TENM2: variants seen among roughly 807,000 people sequenced by gnomAD.
TENM2 encodes the protein teneurin transmembrane protein 2.
TENM2 carries 52 observed loss-of-function variants against 245.2 expected under a neutral mutation model. The ratio of observed to expected loss-of-function variants is 0.21; its 90% CI spans 0.17 to 0.27. The LOEUF is 0.27. Among genes scored for constraint, TENM2 ranks in the 10% least tolerant of loss-of-function variants. The probability of loss-of-function intolerance (pLI) is 1.00; values close to 1 mark genes in which losing one functional copy is unlikely to be tolerated. For missense variants in TENM2, 3,046 were observed against 3,666.8 expected, an observed-to-expected ratio of 0.83 and a Z score of 4.37; for synonymous variants, 1,363 against 1,438.9, an observed-to-expected ratio of 0.95 and a Z score of 1.19.
chr5:167,108,757 G>A, the TENM2 span, among the ~76,000 whole-genome samples: 5 of 152,184 alleles, frequency 3.3e-5, no homozygotes, highest in African/African-American at 1.2e-4. Flanking sequence ...CATGGGCATA[G>A]CTCTACAATA....
At chr5:167,690,923 ATGT>A (rs1757390394) in intron 2 of TENM2, among the ~76,000 whole-genome samples, 2 of 78,732 alleles carry the variant, frequency 2.5e-5, no homozygotes, top group East Asian at 4.0e-3. Flanking sequence ...ATATGCGAGT[ATGT>A]GTGTGTGTGT....
At chr5:167,714,713 G>A (rs979350413) in intron 2 of TENM2, among the ~76,000 whole-genome samples, 1 of 152,186 alleles carries the variant, frequency 6.6e-6, no homozygotes. Flanking sequence ...CTTAAGAAAT[G>A]TCGACCAGCA....
At chr5:167,053,843 A>G in the TENM2 span, among the ~76,000 whole-genome samples, 1 of 152,188 alleles carries the variant, frequency 6.6e-6, no homozygotes, top group African/African-American at 2.4e-5. Flanking sequence ...ATTTCCAGGT[A>G]TAGCCCTTTA....
chr5:167,050,199 G>A, the TENM2 span, among the ~76,000 whole-genome samples: 1 of 152,136 alleles, frequency 6.6e-6, no homozygotes, highest in East Asian at 1.9e-4. Context: ...AGGGCTGCAT[G>A]GCAGGAGGTG....
chr5:167,553,892 A>G (rs985522193), intron 2 of TENM2, among the ~76,000 whole-genome samples: 21 of 152,236 alleles, frequency 1.4e-4, no homozygotes, highest in Admixed American at 5.2e-4. Context: ...CAGGTGGGCC[A>G]GGCAGGCTGG....
At chr5:167,139,381 G>T in the TENM2 span, among the ~76,000 whole-genome samples, 1 of 152,218 alleles carries the variant, frequency 6.6e-6, no homozygotes, top group Non-Finnish European at 1.5e-5. Flanking sequence ...CATTTTGTAT[G>T]TGTGAAAATC....
intron 2 of TENM2, among the ~76,000 whole-genome samples, chr5:167,566,128 A>C (rs983107316): frequency 6.6e-6 from 1 of 152,140 alleles, no homozygotes; most frequent in African/African-American, 2.4e-5. Flanking sequence ...TTTGTTCTGG[A>C]AACAGTTATT....
chr5:167,689,838 A>G (rs1479280169), intron 2 of TENM2, among the ~76,000 whole-genome samples: 1 of 151,926 alleles, frequency 6.6e-6, no homozygotes, highest in Non-Finnish European at 1.5e-5. Context: ...TTTGGCTCCT[A>G]CAATCTCCAC....
At chr5:168,090,015 G>A (rs533118485) in intron 7 of TENM2, among the ~76,000 whole-genome samples, 2 of 152,214 alleles carry the variant, frequency 1.3e-5, no homozygotes, top group African/African-American at 4.8e-5. Context: ...TAGCCCTTCT[G>A]CTGTGCCATT....
intron 1 of TENM2, among the ~76,000 whole-genome samples, chr5:167,351,130 T>G: frequency 7.5e-6 from 1 of 133,878 alleles, no homozygotes; most frequent in African/African-American, 2.5e-5. Flanking sequence ...TATGGATATA[T>G]ATATGGGATA....
intron 2 of TENM2, among the ~76,000 whole-genome samples, chr5:167,518,606 C>G (rs1212041958): frequency 6.6e-6 from 1 of 152,120 alleles, no homozygotes; most frequent in Non-Finnish European, 1.5e-5. Flanking sequence ...TGTGACTGTT[C>G]ATACACTCTT....
At chr5:168,149,832 G>C (rs115117876) in intron 12 of TENM2, among the ~76,000 whole-genome samples, 1 of 152,190 alleles carries the variant, frequency 6.6e-6, no homozygotes, top group Non-Finnish European at 1.5e-5. Flanking sequence ...ACAGCCACAC[G>C]GGCCTCCTCT....
At chr5:167,178,985 T>C in the TENM2 span, among the ~76,000 whole-genome samples, 4 of 152,236 alleles carry the variant, frequency 2.6e-5, no homozygotes, top group Admixed American at 1.3e-4. Flanking sequence ...GAGAACCTTA[T>C]ATACATCAAT....
the TENM2 span, among the ~76,000 whole-genome samples, chr5:167,123,742 G>A: frequency 2.0e-4 from 30 of 152,186 alleles, no homozygotes; most frequent in East Asian, 4.1e-3. Context: ...GTAGATAAAT[G>A]CATCTGAAAT....
chr5:167,975,314 G>A (rs1204542191), intron 4 of TENM2, among the ~76,000 whole-genome samples: 1 of 152,150 alleles, frequency 6.6e-6, no homozygotes, highest in Admixed American at 6.5e-5. Flanking sequence ...AAGCTTTCAA[G>A]GAAGCCCAGC....
chr5:168,070,252 C>G (rs748990147), intron 7 of TENM2, among the ~76,000 whole-genome samples: 6 of 152,142 alleles, frequency 3.9e-5, no homozygotes, highest in Non-Finnish European at 8.8e-5. Flanking sequence ...ACAACTAGAG[C>G]ATAGTTGCAA....
chr5:167,897,004 C>T (rs1039480639), intron 3 of TENM2, among the ~76,000 whole-genome samples: 10 of 152,170 alleles, frequency 6.6e-5, no homozygotes, highest in Non-Finnish European at 1.3e-4. Context: ...TATAACCACC[C>T]GAAATGAGCT....
At chr5:167,785,981 C>T (rs1764552205) in intron 2 of TENM2, among the ~76,000 whole-genome samples, 1 of 152,150 alleles carries the variant, frequency 6.6e-6, no homozygotes, top group Admixed American at 6.5e-5. Flanking sequence ...ATCCTAAAAC[C>T]TGCTATTTGT....
At chr5:168,036,931 C>T (rs1787762444) in intron 5 of TENM2, among the ~76,000 whole-genome samples, 1 of 151,812 alleles carries the variant, frequency 6.6e-6, no homozygotes, top group Non-Finnish European at 1.5e-5. Context: ...TAGCTCTTTC[C>T]TCATAAGAAG....
Sources: allele counts gnomAD v4.1 joint callset (sites outside exome capture counted in the v4.1 genomes callset), GRCh38; gene constraint gnomAD v4.1.1; transcripts MANE v1.5; gene names NCBI Gene and HGNC (gene_info 2026-07-23, HGNC 2026-07-21).